SLC9A9: variants seen among roughly 807,000 people sequenced by gnomAD.
The protein encoded by SLC9A9 is sodium/hydrogen exchanger 9.
SLC9A9 carries 62 observed loss-of-function variants against 77.8 expected under a neutral mutation model. That is an observed-to-expected ratio of 0.80 (90% CI 0.65 to 0.98). SLC9A9 has a LOEUF of 0.98. Among genes scored for constraint, SLC9A9 ranks in the 50% least tolerant of loss-of-function variants. The pLI, the probability that SLC9A9 is intolerant of heterozygous loss-of-function variation, is 0.00. For synonymous variants in SLC9A9, 320 were observed against 283.5 expected, an observed-to-expected ratio of 1.13 and a Z score of -1.29; for missense variants, 775 against 774.9, an observed-to-expected ratio of 1.00 and a Z score of 0.00.
intron 12 of SLC9A9, among the ~76,000 whole-genome samples, chr3:143,397,125 T>C (rs1362017749): frequency 6.6e-6 from 1 of 152,176 alleles, no homozygotes; most frequent in Non-Finnish European, 1.5e-5. Context: ...AGAAACTAGA[T>C]TGAAAATGAA....
intron 4 of SLC9A9, among the ~76,000 whole-genome samples, chr3:143,778,529 G>C (rs1367048421): frequency 6.6e-6 from 1 of 151,958 alleles, no homozygotes; most frequent in Non-Finnish European, 1.5e-5. Flanking sequence ...CAGTGCCTAA[G>C]TACATCCCTT....
intron 12 of SLC9A9, among the ~76,000 whole-genome samples, chr3:143,427,324 ATATTTTTG>A (rs780639622): frequency 2.0e-5 from 3 of 152,230 alleles, no homozygotes; most frequent in Non-Finnish European, 4.4e-5. Flanking sequence ...TGATACCAGT[ATATTTTTG>A]CCACATAATT....
At chr3:143,828,477 A>T (rs1003178502) in intron 2 of SLC9A9, among the ~76,000 whole-genome samples, 2 of 152,186 alleles carry the variant, frequency 1.3e-5, no homozygotes, top group Non-Finnish European at 2.9e-5. Context: ...ATGCTAATAA[A>T]CAAAAAGCAA....
At chr3:143,469,553 A>T (rs909366675) in intron 11 of SLC9A9, among the ~76,000 whole-genome samples, 17 of 152,248 alleles carry the variant, frequency 1.1e-4, no homozygotes, top group African/African-American at 3.6e-4. Flanking sequence ...AAGTAGACAC[A>T]GGGCAGAATG....
At chr3:143,707,402 C>CACA (rs757480379) in intron 4 of SLC9A9, among the ~76,000 whole-genome samples, 1 of 139,542 alleles carries the variant, frequency 7.2e-6, no homozygotes, top group African/African-American at 3.0e-5. Context: ...ACACACACAC[C>CACA]CCAGCTGGGA....
chr3:143,516,384 T>G (rs555888396), intron 9 of SLC9A9, among the ~76,000 whole-genome samples: 2 of 152,164 alleles, frequency 1.3e-5, no homozygotes, highest in Admixed American at 6.5e-5. Flanking sequence ...AAATTCTGCA[T>G]TGTTTGGATT....
intron 6 of SLC9A9, among the ~76,000 whole-genome samples, chr3:143,644,865 A>AATTACCTTC (rs1416268283): frequency 6.6e-6 from 1 of 152,164 alleles, no homozygotes; most frequent in African/African-American, 2.4e-5. Flanking sequence ...TATCAAAGTG[A>AATTACCTTC]ATTACCTTCA....
intron 12 of SLC9A9, among the ~76,000 whole-genome samples, chr3:143,441,504 A>G (rs1300327090): frequency 6.6e-6 from 1 of 152,156 alleles, no homozygotes; most frequent in African/African-American, 2.4e-5. Flanking sequence ...TTTATCAAGA[A>G]CCCAAGAGTT....
intron 12 of SLC9A9, among the ~76,000 whole-genome samples, chr3:143,426,013 C>T (rs1180362346): frequency 2.0e-5 from 3 of 151,280 alleles, no homozygotes; most frequent in Non-Finnish European, 4.4e-5. Context: ...TTTTGATGTA[C>T]CTTCAAGATT....
intron 11 of SLC9A9, among the ~76,000 whole-genome samples, chr3:143,475,655 G>C (rs1300602715): frequency 6.6e-6 from 1 of 152,030 alleles, no homozygotes; most frequent in African/African-American, 2.4e-5. Context: ...AGCTGGGCGT[G>C]GTGGTGAATG....
chr3:143,467,727 A>AAGAGAG (rs111531862), intron 11 of SLC9A9, among the ~76,000 whole-genome samples: 160 of 144,804 alleles, frequency 1.1e-3, no homozygotes, highest in South Asian at 4.1e-3. Flanking sequence ...CCTGGCTCTA[A>AAGAGAG]AGAGAGAGAG....
chr3:143,767,183 G>T (rs183524301), intron 4 of SLC9A9, among the ~76,000 whole-genome samples: 1 of 152,236 alleles, frequency 6.6e-6, no homozygotes, highest in East Asian at 1.9e-4. Flanking sequence ...ACTGAGGTTG[G>T]ACTAGAGTAA....
chr3:143,775,853 G>A (rs1302794905), intron 4 of SLC9A9, among the ~76,000 whole-genome samples: 1 of 152,088 alleles, frequency 6.6e-6, no homozygotes, highest in Non-Finnish European at 1.5e-5. Flanking sequence ...CTTTCCAATA[G>A]GCAAAGAGAT....
chr3:143,605,786 C>T (rs1193958483), intron 6 of SLC9A9, among the ~76,000 whole-genome samples: 4 of 152,110 alleles, frequency 2.6e-5, no homozygotes, highest in Non-Finnish European at 4.4e-5. Context: ...TGTATAGAAC[C>T]GTGTTAAGCA....
intron 12 of SLC9A9, among the ~76,000 whole-genome samples, chr3:143,457,040 A>G (rs1374658050): frequency 2.0e-5 from 3 of 151,630 alleles, no homozygotes; most frequent in Non-Finnish European, 4.4e-5. Context: ...CTGTCATGAT[A>G]TTCTCCTTTC....
intron 5 of SLC9A9, among the ~76,000 whole-genome samples, chr3:143,665,277 T>A (rs938510703): frequency 7.2e-5 from 11 of 152,186 alleles, no homozygotes; most frequent in African/African-American, 2.7e-4. Flanking sequence ...AAGATGTTCT[T>A]TGAAATGAAT....
chr3:143,493,398 C>T (rs180732977), intron 11 of SLC9A9, among the ~76,000 whole-genome samples: 1 of 152,284 alleles, frequency 6.6e-6, no homozygotes, highest in Non-Finnish European at 1.5e-5. Flanking sequence ...AGTCCAATGT[C>T]CACTCTAGGC....
chr3:143,722,549 C>A (rs1324540600), intron 4 of SLC9A9, among the ~76,000 whole-genome samples: 1 of 149,834 alleles, frequency 6.7e-6, no homozygotes, highest in African/African-American at 2.5e-5. Context: ...GTCACTGTAC[C>A]AAAGCCTGGC....
intron 12 of SLC9A9, among the ~76,000 whole-genome samples, chr3:143,385,576 G>A (rs565646060): frequency 6.6e-6 from 1 of 152,304 alleles, no homozygotes; most frequent in East Asian, 1.9e-4. Context: ...GGCTAACCAT[G>A]TATCCATTCA....
Sources: allele counts gnomAD v4.1 joint callset (sites outside exome capture counted in the v4.1 genomes callset), GRCh38; gene constraint gnomAD v4.1.1; transcripts MANE v1.5; gene names NCBI Gene and HGNC (gene_info 2026-07-23, HGNC 2026-07-21).